EP400: variants seen among roughly 807,000 people sequenced by gnomAD.
EP400 encodes the protein E1A binding protein p400.
Under a neutral mutation model 354.1 loss-of-function variants are expected in EP400, and 105 were observed. The observed-to-expected ratio is 0.30, with a 90% CI of 0.25 to 0.35. EP400 has a LOEUF of 0.35. Among genes scored for constraint, EP400 ranks in the 10% least tolerant of loss-of-function variants. The probability of loss-of-function intolerance (pLI) is 1.00; values close to 1 mark genes in which losing one functional copy is unlikely to be tolerated. For missense variants in EP400, 3,280 were observed against 4,121.0 expected (o/e 0.80, Z 5.59); for synonymous variants, 1,646 against 1,716.9 (o/e 0.96, Z 1.02).
chr12:131,960,523 T>G, intron 1 of EP400, 62 bp from the exon 2 acceptor site: 1 of 1,427,690 alleles, frequency 7.0e-7, no homozygotes, highest in Non-Finnish European at 9.4e-7. Flanking sequence ...TCAGTGCTGT[T>G]AAGTGTCAAT....
chr12:132,055,455 GGTGT>G (rs138515650), intron 45 of EP400, among the ~76,000 whole-genome samples: 19 of 140,660 alleles, frequency 1.4e-4, no homozygotes, highest in South Asian at 7.1e-4. Flanking sequence ...GTGGTGTAGG[GGTGT>G]GTGTGTGTGT....
intron 2 of EP400, among the ~76,000 whole-genome samples, chr12:131,976,735 A>G (rs1462367672): frequency 6.6e-6 from 1 of 152,150 alleles, no homozygotes; most frequent in Non-Finnish European, 1.5e-5. Flanking sequence ...AAAAACGCCA[A>G]ACAGCAACAA....
At position 132,069,480 on chromosome 12, in the gene EP400, G is replaced by A. The variant is rs570865185; in HGVS notation, c.8875-15G>A. ...GCATGGTCTCTGCGGCCCTAATTTC[G>A]CAGTCTCTCCCCAGATCACCGCACA... On this transcript the variant is annotated splice_polypyrimidine_tract_variant and intron_variant, in intron 50 of 52. Coordinates refer to ENST00000389561, the MANE Select transcript of EP400 (RefSeq NM_015409.5). The A allele has an allele frequency of 1.4e-5, 22 of 1,611,824 alleles. No homozygotes were observed. The highest frequency in any genetic ancestry group is 3.3e-4 in the Middle Eastern group (2 of 6,052).
At chr12:131,959,021 G>T (rs1215313982) in intron 1 of EP400, among the ~76,000 whole-genome samples, 1 of 152,214 alleles carries the variant, frequency 6.6e-6, no homozygotes, top group Non-Finnish European at 1.5e-5. Context: ...TGTCCAGCAG[G>T]ACTGGAGAAG....
intron 12 of EP400, among the ~76,000 whole-genome samples, chr12:131,995,179 G>A (rs762091778): frequency 1.4e-4 from 21 of 152,198 alleles, no homozygotes; most frequent in Non-Finnish European, 2.6e-4. Context: ...CCTGCCACCT[G>A]CGTGTGTCTC....
At chr12:132,058,135 G>A (rs1446468227) in intron 45 of EP400, among the ~76,000 whole-genome samples, 2 of 152,174 alleles carry the variant, frequency 1.3e-5, no homozygotes, top group African/African-American at 4.8e-5. Context: ...CCTTCTGAAT[G>A]CAGGGCCAGT....
In EP400 at chr12:132,017,649, C is replaced by G. The variant is rs1893988967; in HGVS notation, c.4038C>G (p.Ser1346=). 4.4e-6 allele frequency: 7 copies of G among 1,603,300 alleles called. No individual in the cohort carries two copies. Among genetic ancestry groups the G allele is most frequent in the Non-Finnish European group, 5.1e-6 (6 of 1,173,734 alleles). Residue 1346 remains serine (S), a synonymous_variant, in exon 20 of 53, where the codon TCC becomes TCG. Transcript: ENST00000389561. This position sits in a 1 kb window ranked among gnomAD's most constrained non-coding sequence, Gnocchi z 5.0. The part of the protein sequence containing the change: ...GLVEPRHPGS[S]YVAGPLEYPS... The stretch of plus-strand genomic sequence containing the variant: ...TCGAGCCCCGGCACCCAGGCTCTTC[C>G]TACGTGGCGGGGCCACTGGAGTATC...
At chr12:132,076,300 G>A (rs2136627251) in intron 51 of EP400, 1 of 657,766 alleles carries the variant, frequency 1.5e-6, no homozygotes, top group East Asian at 2.9e-5. Context: ...TAAATGATGA[G>A]TGATGGCAAA....
chr12:131,967,469 G>A (rs1030711425), intron 2 of EP400, among the ~76,000 whole-genome samples: 1 of 150,098 alleles, frequency 6.7e-6, no homozygotes, highest in East Asian at 2.0e-4. Flanking sequence ...TGGCAGATCA[G>A]TTGAGGCCAG....
At position 132,027,973 on chromosome 12, in the gene EP400, A is replaced by G. The variant is rs775276895; in HGVS notation, c.5110-44A>G. On this transcript the variant is annotated intron_variant, in intron 26 of 52. Transcript: ENST00000389561. The surrounding 1 kb of genome is among the most constrained non-coding windows in gnomAD (Gnocchi z 4.9). ...GGGTTGGTGAAGACAGGAACTTGTC[A>G]TTCTGTTTCTCAAGTAACTGTTTTT... 1.4e-5 allele frequency: 23 copies of G among 1,594,622 alleles called. No homozygotes were observed. Among genetic ancestry groups the G allele is most frequent in the Middle Eastern group, 1.7e-4 (1 of 6,002 alleles).
At chr12:132,051,318 G>A (rs758005040) in intron 41 of EP400, among the ~76,000 whole-genome samples, 3 of 152,188 alleles carry the variant, frequency 2.0e-5, no homozygotes, top group African/African-American at 4.8e-5. Context: ...GTGCGGAGAC[G>A]AGAGAGCGTA....
Position 132,029,704 on chromosome 12 carries a change from G to A in EP400, c.5385G>A (p.Val1795=). ...GESLQDVIDR[V]AFVIPPVVAA... is the part of the protein sequence containing the mutation. ...AAACATGCTTTCTGCTCCTCAGGGT[G>A]GCCTTTGTGATTCCTCCGGTGGTGG... The change falls in exon 28 of 53, where the codon GTG becomes GTA. Residue 1795 remains valine (V), a synonymous_variant. Transcript: ENST00000389561. This position sits in a 1 kb window ranked among gnomAD's most constrained non-coding sequence, Gnocchi z 4.7. 6.2e-7 allele frequency: 1 copy of A among 1,611,972 alleles called. No individual in the cohort carries two copies. The highest frequency in any genetic ancestry group is 1.1e-5 in the South Asian group (1 of 91,016).
intron 12 of EP400, 90 bp from the exon 13 acceptor site, chr12:132,004,987 A>G: frequency 6.3e-6 from 6 of 951,684 alleles, no homozygotes. Flanking sequence ...TGCCCTTCTT[A>G]CCGTGGTTCT....
intron 1 of EP400, among the ~76,000 whole-genome samples, chr12:131,956,303 T>C (rs1438451193): frequency 6.6e-6 from 1 of 152,216 alleles, no homozygotes; most frequent in Non-Finnish European, 1.5e-5. Context: ...AGTTTTAATA[T>C]TCTGATACGT....
chr12:131,992,916 C>T (rs1893087744), intron 11 of EP400, among the ~76,000 whole-genome samples: 1 of 152,138 alleles, frequency 6.6e-6, no homozygotes, highest in African/African-American at 2.4e-5. Flanking sequence ...TTAACTTTTC[C>T]AAATTTTTGA....
At chr12:131,955,575 C>G (rs1004505722) in intron 1 of EP400, among the ~76,000 whole-genome samples, 1 of 152,024 alleles carries the variant, frequency 6.6e-6, no homozygotes, top group Non-Finnish European at 1.5e-5. Flanking sequence ...AGCCAGCGTG[C>G]TCATCCAAGT....
At chr12:131,991,188 T>C (rs572860542) in intron 9 of EP400, among the ~76,000 whole-genome samples, 2 of 152,252 alleles carry the variant, frequency 1.3e-5, no homozygotes, top group South Asian at 4.1e-4. Context: ...CCATTATTGA[T>C]GAGGAACCCG....
In EP400 at chr12:131,977,141, G is replaced by C. The variant is rs144522116; in HGVS notation, c.1336-2553G>C. On this transcript the variant is annotated intron_variant, in intron 2 of 52. Coordinates refer to ENST00000389561, the MANE Select transcript of EP400 (RefSeq NM_015409.5). Reference sequence around the variant, plus strand: ...GATTATGTTTTTTGTTTTTGTTTTTGTTTTTGTTTTTTTGAGACGGAGTCT... The same window carrying C: ...GATTATGTTTTTTGTTTTTGTTTTTCTTTTTGTTTTTTTGAGACGGAGTCT... Among the ~76,000 whole-genome samples, 1,085 of 151,900 alleles carry C rather than the reference G, an allele frequency of 7.1e-3. 35 individuals carry two copies. The South Asian group carries it at 0.094, about 13-fold the overall frequency.
chr12:132,035,824 G>T (rs1253499192), intron 30 of EP400, among the ~76,000 whole-genome samples: 1 of 146,022 alleles, frequency 6.8e-6, no homozygotes, highest in African/African-American at 2.6e-5. Flanking sequence ...GCGGAACATC[G>T]TGGAAGGACA....
Sources: allele counts gnomAD v4.1 joint callset (sites outside exome capture counted in the v4.1 genomes callset), GRCh38; gene constraint gnomAD v4.1.1; non-coding constraint Gnocchi (gnomAD v3.1); transcripts MANE v1.5; gene names NCBI Gene and HGNC (gene_info 2026-07-23, HGNC 2026-07-21).